Variants in DRC11 observed in about 807,000 individuals in gnomAD.
DRC11 encodes IQ and AAA domain-containing protein 1.
chr2:236,382,646 G>A, the DRC11 span, among the ~76,000 whole-genome samples: 2 of 152,048 alleles, frequency 1.3e-5, no homozygotes, highest in Non-Finnish European at 2.9e-5. Context: ...TAACATACAA[G>A]TCCTATACCT....
At chr2:236,352,410 G>T in the DRC11 span, among the ~76,000 whole-genome samples, 1 of 152,140 alleles carries the variant, frequency 6.6e-6, no homozygotes, top group Non-Finnish European at 1.5e-5. This position sits in a 1 kb window ranked among gnomAD's most constrained non-coding sequence, Gnocchi z 7.0. Flanking sequence ...GGGACAGAAG[G>T]CAGGAGGATG....
At chr2:236,376,956 C>T in the DRC11 span, 3 of 593,942 alleles carry the variant, frequency 5.1e-6, no homozygotes, top group African/African-American at 5.6e-5. The surrounding 1 kb of genome is among the most constrained non-coding windows in gnomAD (Gnocchi z 5.7). Flanking sequence ...TGAATCAATT[C>T]AATCCAACAA....
At chr2:236,329,146 C>T in the DRC11 span, among the ~76,000 whole-genome samples, 4 of 152,202 alleles carry the variant, frequency 2.6e-5, no homozygotes, top group Non-Finnish European at 5.9e-5. Context: ...CTTCCAACTC[C>T]CTCTTCGGCT....
At chr2:236,461,982 GGAAA>G in the DRC11 span, among the ~76,000 whole-genome samples, 13 of 152,224 alleles carry the variant, frequency 8.5e-5, no homozygotes, top group Non-Finnish European at 1.6e-4. The surrounding 1 kb of genome is among the most constrained non-coding windows in gnomAD (Gnocchi z 4.0). Flanking sequence ...GGTGAGGGAA[GGAAA>G]GAGAGGAGTG....
the DRC11 span, among the ~76,000 whole-genome samples, chr2:236,319,460 C>T: frequency 6.5e-4 from 99 of 152,304 alleles, no homozygotes; most frequent in African/African-American, 2.0e-3. This position sits in a 1 kb window ranked among gnomAD's most constrained non-coding sequence, Gnocchi z 6.7. Context: ...ACTGAAGAGA[C>T]TACATTTCTA....
chr2:236,324,792 C>A, the DRC11 span: 2 of 1,589,830 alleles, frequency 1.3e-6, no homozygotes, highest in Non-Finnish European at 1.7e-6. The surrounding 1 kb of genome is among the most constrained non-coding windows in gnomAD (Gnocchi z 5.7). Context: ...TTCTGAAATA[C>A]AATAGAAGTT....
At chr2:236,336,795 G>C in the DRC11 span, among the ~76,000 whole-genome samples, 1 of 152,226 alleles carries the variant, frequency 6.6e-6, no homozygotes, top group East Asian at 1.9e-4. This position sits in a 1 kb window ranked among gnomAD's most constrained non-coding sequence, Gnocchi z 7.3. Context: ...GCAGTGTTAC[G>C]GTGGCCCCGC....
At chr2:236,356,971 ATATATTCATATATTATATATCTATATAT>A in the DRC11 span, among the ~76,000 whole-genome samples, 3 of 116,106 alleles carry the variant, frequency 2.6e-5, no homozygotes, top group Admixed American at 2.6e-4. Flanking sequence ...TATATATATT[ATATATTCATATATTATATATCTATATAT>A]TTATATATTC....
chr2:236,478,111 C>G, the DRC11 span, among the ~76,000 whole-genome samples: 80 of 151,436 alleles, frequency 5.3e-4, no homozygotes, highest in African/African-American at 1.9e-3. The surrounding 1 kb of genome is among the most constrained non-coding windows in gnomAD (Gnocchi z 5.9). Context: ...TTTCTCCTTG[C>G]TTTTCTAGTA....
the DRC11 span, chr2:236,465,802 C>A: frequency 1.3e-6 from 1 of 791,906 alleles, no homozygotes; most frequent in Non-Finnish European, 2.1e-6. This position sits in a 1 kb window ranked among gnomAD's most constrained non-coding sequence, Gnocchi z 6.2. Context: ...TTAATATCTT[C>A]CATAGTGTCT....
At chr2:236,505,441 T>C in the DRC11 span, among the ~76,000 whole-genome samples, 1 of 152,138 alleles carries the variant, frequency 6.6e-6, no homozygotes, top group African/African-American at 2.4e-5. Flanking sequence ...GGAAGGCCTG[T>C]CTCTGCTCAG....
chr2:236,391,089 G>T, the DRC11 span: 1 of 152,140 alleles, frequency 6.6e-6, no homozygotes, highest in African/African-American at 2.4e-5. The surrounding 1 kb of genome is among the most constrained non-coding windows in gnomAD (Gnocchi z 4.5). Flanking sequence ...CAGAGCTCTT[G>T]TGAAGTTACT....
At chr2:236,386,498 C>T in the DRC11 span, among the ~76,000 whole-genome samples, 15 of 151,806 alleles carry the variant, frequency 9.9e-5, no homozygotes, top group South Asian at 2.5e-3. Flanking sequence ...TCTGTGGGAT[C>T]GGTGGTGATA....
the DRC11 span, among the ~76,000 whole-genome samples, chr2:236,342,656 G>A: frequency 6.6e-6 from 1 of 151,688 alleles, no homozygotes; most frequent in Non-Finnish European, 1.5e-5. This position sits in a 1 kb window ranked among gnomAD's most constrained non-coding sequence, Gnocchi z 5.8. Flanking sequence ...AGCTGGGCAT[G>A]CACACGCAAT....
the DRC11 span, among the ~76,000 whole-genome samples, chr2:236,418,149 C>T: frequency 6.6e-6 from 1 of 152,294 alleles, no homozygotes; most frequent in South Asian, 2.1e-4. Context: ...GGAATCGCCA[C>T]ACTGTCTTCC....
At chr2:236,429,516 G>A in the DRC11 span, among the ~76,000 whole-genome samples, 2,784 of 152,226 alleles carry the variant, frequency 0.018, 84 homozygotes, top group African/African-American at 0.063. This position sits in a 1 kb window ranked among gnomAD's most constrained non-coding sequence, Gnocchi z 5.9. Flanking sequence ...AGCAGCTACT[G>A]CAATAGCCTG....
chr2:236,370,970 G>A, the DRC11 span, among the ~76,000 whole-genome samples: 1 of 152,148 alleles, frequency 6.6e-6, no homozygotes, highest in East Asian at 1.9e-4. This position sits in a 1 kb window ranked among gnomAD's most constrained non-coding sequence, Gnocchi z 5.5. Flanking sequence ...ATGACTGTTG[G>A]GAGTTCAATG....
chr2:236,317,245 G>A, the DRC11 span, among the ~76,000 whole-genome samples: 1 of 151,850 alleles, frequency 6.6e-6, no homozygotes, highest in Non-Finnish European at 1.5e-5. This position sits in a 1 kb window ranked among gnomAD's most constrained non-coding sequence, Gnocchi z 5.4. Context: ...ACAGTGAGCT[G>A]AGATCGCGCC....
the DRC11 span, among the ~76,000 whole-genome samples, chr2:236,459,612 TATAA>T: frequency 1.4e-5 from 2 of 139,672 alleles, no homozygotes; most frequent in Non-Finnish European, 3.1e-5. Context: ...TATATACGTA[TATAA>T]GTATATACAT....
Sources: gnomAD v4.1 joint callset for allele counts (sites outside exome capture counted in the v4.1 genomes callset) on GRCh38, gnomAD v4.1.1 for gene constraint, Gnocchi (gnomAD v3.1) non-coding constraint, MANE v1.5 for transcripts, NCBI Gene and HGNC (gene_info 2026-07-23, HGNC 2026-07-21) for gene names.